NSD1: variants seen among roughly 807,000 people sequenced by gnomAD.
NSD1 encodes the protein histone-lysine N-methyltransferase, H3 lysine-36 specific.
Under a neutral mutation model 242.7 loss-of-function variants are expected in NSD1, and 26 were observed. The ratio of observed to expected loss-of-function variants is 0.11; its 90% CI spans 0.08 to 0.15. The LOEUF is 0.15. Among genes scored for constraint, NSD1 ranks in the 10% least tolerant of loss-of-function variants. The probability of loss-of-function intolerance (pLI) is 1.00; values close to 1 mark genes in which losing one functional copy is unlikely to be tolerated. For missense variants in NSD1, 2,495 were observed against 3,272.8 expected, an observed-to-expected ratio of 0.76 and a Z score of 5.80; for synonymous variants, 1,106 against 1,178.1, an observed-to-expected ratio of 0.94 and a Z score of 1.25.
At position 177,298,704 on chromosome 5, in the gene NSD1, T is replaced by C. The variant is rs980531983; in HGVS notation, c.*3245T>C. The C allele has an allele frequency of 2.1e-5, 5 of 233,202 alleles. No homozygotes were observed. The highest frequency in any genetic ancestry group is 1.1e-4 in the African/African-American group (5 of 45,360). The allele number at this position is 233,202 out of a possible 1,614,324, so 14.4% of individuals were successfully genotyped here. On this transcript the variant is annotated 3_prime_UTR_variant, in exon 23 of 23. Transcript: ENST00000439151. Reference sequence around the variant, plus strand: ...ACACCCTGTTGATCCCTTCCCAGGCTCGGCACTGTCTGCTCACTGGAGCCG... The same window carrying C: ...ACACCCTGTTGATCCCTTCCCAGGCCCGGCACTGTCTGCTCACTGGAGCCG...
intron 8 of NSD1, among the ~76,000 whole-genome samples, chr5:177,242,749 G>A (rs1246636913): frequency 1.3e-5 from 2 of 151,962 alleles, no homozygotes; most frequent in Non-Finnish European, 2.9e-5. Context: ...GGCTGGTCTC[G>A]AACTCCCGAC....
intron 20 of NSD1, among the ~76,000 whole-genome samples, chr5:177,284,919 C>T (rs893128799): frequency 1.3e-5 from 2 of 152,100 alleles, no homozygotes; most frequent in African/African-American, 4.8e-5. Flanking sequence ...TGGGTAGTAT[C>T]GTGAGAACTC....
intron 5 of NSD1, chr5:177,220,966 C>T (rs917997598): frequency 6.7e-6 from 3 of 450,146 alleles, no homozygotes; most frequent in Middle Eastern, 3.4e-4. Flanking sequence ...TGGGTTCAAG[C>T]GATTCTTGTG....
intron 2 of NSD1, chr5:177,137,241 T>C (rs140494036): frequency 1.4e-4 from 33 of 237,158 alleles, no homozygotes; most frequent in East Asian, 5.6e-4. Flanking sequence ...ATATTTGATA[T>C]TGATTTTGTT....
At chr5:177,179,829 G>T (rs1760510299) in intron 2 of NSD1, among the ~76,000 whole-genome samples, 1 of 152,158 alleles carries the variant, frequency 6.6e-6, no homozygotes, top group African/African-American at 2.4e-5. Context: ...GATGGGGAAG[G>T]GGGCCAATCA....
chr5:177,246,692 T>A lies in NSD1; in HGVS notation c.4393T>A (p.Phe1465Ile). The A allele has an allele frequency of 6.2e-7, 1 of 1,613,950 alleles. No individual in the cohort carries two copies. Among genetic ancestry groups the A allele is most frequent in the Non-Finnish European group, 8.5e-7 (1 of 1,179,830 alleles). ...KDFGGGTTKI[F>I]DKPRKRKRQR... ...TCCTGTCATAGGCACTACCAAGATA[T>A]TTGACAAGCCAAGGAAGCGAAAACG... Residue 1465 changes from phenylalanine to isoleucine, a missense_variant, in exon 10 of 23, where the codon TTT becomes ATT. Phe to Ile is a conservative substitution (Grantham distance 21). Coordinates refer to ENST00000439151, the MANE Select transcript of NSD1 (RefSeq NM_022455.5).
In NSD1 at chr5:177,135,145, G is replaced by A. The variant is rs1756205761; in HGVS notation, c.42G>A (p.Leu14=). 6.2e-7 allele frequency: 1 copy of A among 1,614,196 alleles called. No homozygotes were observed. Among genetic ancestry groups the A allele is most frequent in the Non-Finnish European group, 8.5e-7 (1 of 1,180,032 alleles). ...AACTACCCAGAAGAAATTGTCTGCT[G>A]CCCTTTTCCAATCCAGTGAATTTAG... is the stretch of plus-strand genomic sequence containing the variant. ...TCELPRRNCL[L]PFSNPVNLDA... The change falls in exon 2 of 23, where the codon CTG becomes CTA. Residue 14 remains leucine (L), a synonymous_variant. Coordinates refer to ENST00000439151, the MANE Select transcript of NSD1 (RefSeq NM_022455.5).
chr5:177,171,733 ATTTCAC>A (rs1229703771), intron 2 of NSD1, among the ~76,000 whole-genome samples: 11 of 152,172 alleles, frequency 7.2e-5, no homozygotes, highest in African/African-American at 2.4e-4. Flanking sequence ...TGTCTGGTGT[ATTTCAC>A]TTAGCATAAT....
chr5:177,144,639 G>A (rs1757086185), intron 2 of NSD1, among the ~76,000 whole-genome samples: 1 of 151,954 alleles, frequency 6.6e-6, no homozygotes, highest in Non-Finnish European at 1.5e-5. Context: ...TATTCTTCCT[G>A]GTTTTCAGGG....
chr5:177,229,349 G>C (rs1444011976), intron 5 of NSD1, among the ~76,000 whole-genome samples: 1 of 152,176 alleles, frequency 6.6e-6, no homozygotes, highest in African/African-American at 2.4e-5. Context: ...CGTACTGGTT[G>C]TGTGGTAGGA....
chr5:177,281,761 T>G (rs1336416318), intron 18 of NSD1, among the ~76,000 whole-genome samples: 6 of 152,178 alleles, frequency 3.9e-5, no homozygotes, highest in Non-Finnish European at 7.3e-5. Flanking sequence ...CAAGTGATCC[T>G]CCCATCTCAG....
intron 2 of NSD1, among the ~76,000 whole-genome samples, chr5:177,191,384 G>GCCA (rs1761684379): frequency 6.6e-6 from 1 of 152,168 alleles, no homozygotes; most frequent in Non-Finnish European, 1.5e-5. Flanking sequence ...ACAGGCATGT[G>GCCA]CCACCACTCC....
chr5:177,186,199 A>C (rs1000715728), intron 2 of NSD1, among the ~76,000 whole-genome samples: 1 of 142,470 alleles, frequency 7.0e-6, no homozygotes, highest in Non-Finnish European at 1.5e-5. Context: ...CCTGAGGGGG[A>C]AGGATTGCTT....
chr5:177,172,054 A>G (rs929743931), intron 2 of NSD1, among the ~76,000 whole-genome samples: 1 of 152,128 alleles, frequency 6.6e-6, no homozygotes, highest in Non-Finnish European at 1.5e-5. Flanking sequence ...TTTGCTGTAT[A>G]CCTTTGAAGG....
At chr5:177,208,282 T>TA (rs1763055584) in intron 4 of NSD1, among the ~76,000 whole-genome samples, 1 of 152,142 alleles carries the variant, frequency 6.6e-6, no homozygotes, top group Non-Finnish European at 1.5e-5. Context: ...GTCATCAGTA[T>TA]AATAGCTCTG....
rs2149844632 is a variant in NSD1, at chr5:177,210,504, C to A, written c.2105C>A (p.Pro702His). ...ACTAGGGTAAAAGCAAAACAGAAGC[C>A]TCTCATTAGTAACTCACATACAGAC... ...TNTRVKAKQK[P>H]LISNSHTDHL... Residue 702 changes from proline (P) to histidine (H), a missense_variant, in exon 5 of 23, where the codon CCT becomes CAT. Pro to His is a moderately conservative substitution (Grantham distance 77). Coordinates refer to ENST00000439151, the MANE Select transcript of NSD1 (RefSeq NM_022455.5). The A allele has an allele frequency of 6.2e-7, 1 of 1,614,160 alleles. No homozygotes were observed. The highest frequency in any genetic ancestry group is 8.5e-7 in the Non-Finnish European group (1 of 1,180,042).
intron 14 of NSD1, among the ~76,000 whole-genome samples, chr5:177,262,294 C>A (rs1175169025): frequency 6.6e-6 from 1 of 152,102 alleles, no homozygotes; most frequent in Admixed American, 6.6e-5. Flanking sequence ...CTTTTTCTTT[C>A]CTCTTTCTTA....
chr5:177,194,441 CTT>C (rs749501540), intron 3 of NSD1, among the ~76,000 whole-genome samples: 14 of 118,512 alleles, frequency 1.2e-4, no homozygotes, highest in Admixed American at 3.5e-4. Context: ...CCACACATGG[CTT>C]TTTTTTTTTT....
chr5:177,286,758 C>T (rs1446985094), intron 20 of NSD1, among the ~76,000 whole-genome samples: 1 of 152,196 alleles, frequency 6.6e-6, no homozygotes, highest in African/African-American at 2.4e-5. Flanking sequence ...TCCCATTCTT[C>T]TACTTAGAAC....
Sources: gnomAD v4.1 joint callset for allele counts (sites outside exome capture counted in the v4.1 genomes callset) on GRCh38, gnomAD v4.1.1 for gene constraint, MANE v1.5 for transcripts, NCBI Gene and HGNC (gene_info 2026-07-23, HGNC 2026-07-21) for gene names.